Variants in DHX57 observed in about 807,000 individuals in gnomAD.
The protein encoded by DHX57 is putative ATP-dependent RNA helicase DHX57.
A neutral mutation model predicts 156.2 loss-of-function variants in DHX57; 105 were observed. The observed-to-expected ratio is 0.67, with a 90% CI of 0.57 to 0.79. The LOEUF (loss-of-function observed/expected upper bound fraction) is 0.79. Ranked by LOEUF, DHX57 falls within the 30% of genes least tolerant of loss-of-function variation. The pLI is 0.00. For synonymous variants in DHX57, 704 were observed against 595.6 expected (o/e 1.18, Z -2.65); for missense variants, 1,847 against 1,661.9 (o/e 1.11, Z -1.94).
At chr2:38,834,936 G>A (rs1310491558) in intron 13 of DHX57, among the ~76,000 whole-genome samples, 1 of 152,168 alleles carries the variant, frequency 6.6e-6, no homozygotes, top group Non-Finnish European at 1.5e-5. Context: ...TTGCTATAAG[G>A]CATACCTGTA....
Position 38,798,341 on chromosome 2 carries a change from G to A in DHX57, c.4119C>T (p.Ser1373=), listed in dbSNP as rs376019450. ...SIDLCTCPRG[S]RIISTIVKLV... ...GTTTCACAATTGTGCTGATGATCCGGGATCCTCGAGGACACGTACACAGAT... is the reference window on the plus strand; with the variant it reads ...GTTTCACAATTGTGCTGATGATCCGAGATCCTCGAGGACACGTACACAGAT... Residue 1373 remains serine, a synonymous_variant, in exon 24 of 24, where the codon TCC becomes TCT. Coordinates refer to ENST00000457308, the MANE Select transcript of DHX57 (RefSeq NM_198963.3). The A allele has an allele frequency of 6.2e-7, 1 of 1,613,736 alleles. No individual in the cohort carries two copies. Among genetic ancestry groups the A allele is most frequent in the African/African-American group, 1.3e-5 (1 of 74,898 alleles).
rs1055947583 is a variant in DHX57 at position 38,798,109 on chromosome 2, G to C, written c.*190C>G. On this transcript the variant is annotated 3_prime_UTR_variant, in exon 24 of 24. Transcript: ENST00000457308. ...CCCTTGACACTCCAAATTGTGCTGGGAGTGGCCAAGGCTTTGTTAGAAATG... is the reference window on the plus strand; with the variant it reads ...CCCTTGACACTCCAAATTGTGCTGGCAGTGGCCAAGGCTTTGTTAGAAATG... 12 of 568,466 alleles carry C rather than the reference G, an allele frequency of 2.1e-5. No individual in the cohort carries two copies. The highest frequency in any genetic ancestry group is 9.6e-5 in the East Asian group (3 of 31,258). The allele number at this position is 568,466 out of a possible 1,614,324, so 35.2% of individuals were successfully genotyped here. A position where few individuals can be genotyped will look rare whatever the true frequency, so the allele number is the denominator to read the frequency against.
chr2:38,869,071 G>C (rs1235975347), intron 1 of DHX57, among the ~76,000 whole-genome samples: 2 of 152,202 alleles, frequency 1.3e-5, no homozygotes, highest in Non-Finnish European at 2.9e-5. Flanking sequence ...CAAAGTGCTT[G>C]GATTACAGGT....
rs371034297 is a variant in DHX57, at chr2:38,818,370, C to CA, written c.3471+506dup. On this transcript the variant is annotated intron_variant, in intron 19 of 23. Coordinates refer to ENST00000457308, the MANE Select transcript of DHX57 (RefSeq NM_198963.3). ...TGAAACCCCATCTCTACTAAAAATA[C>CA]AAAAAAATTAGCTGAGCATGGTGGC... 7.5e-3 allele frequency among the ~76,000 whole-genome samples: 1,139 copies of CA among 151,950 alleles called. 2 individuals are homozygous for CA. The highest frequency in any genetic ancestry group is 0.041 in the Middle Eastern group (12 of 294).
Position 38,843,125 on chromosome 2 carries a change from C to T in DHX57, c.2305G>A (p.Ala769Thr). Residue 769 changes from alanine to threonine, a missense_variant, in exon 12 of 24, where the codon GCA (alanine) becomes ACA (threonine). Transcript: ENST00000457308. ...EKLKARRNRT[A>T]FEEVEEDLRL... ...AGGTCTTCTTCCACTTCTTCAAATG[C>T]AGTTCTGTTCCGCCTTGCTTTAAGC... is the stretch of plus-strand genomic sequence containing the variant. 1.2e-6 allele frequency: 2 copies of T among 1,614,196 alleles called. No individual in the cohort carries two copies. The highest frequency in any genetic ancestry group is 8.5e-7 in the Non-Finnish European group (1 of 1,180,028).
chr2:38,802,177 C>G (rs1389276693), intron 23 of DHX57, among the ~76,000 whole-genome samples: 1 of 152,124 alleles, frequency 6.6e-6, no homozygotes, highest in Non-Finnish European at 1.5e-5. Flanking sequence ...AACCTCAGCC[C>G]GTACCAGACT....
chr2:38,811,238 C>T, intron 21 of DHX57: 2 of 498,778 alleles, frequency 4.0e-6, no homozygotes, highest in South Asian at 3.4e-5. Context: ...CTCAGGGATC[C>T]TCCCGGGAGC....
intron 13 of DHX57, among the ~76,000 whole-genome samples, chr2:38,832,037 A>C (rs1671409964): frequency 1.3e-5 from 2 of 152,082 alleles, no homozygotes; most frequent in Non-Finnish European, 2.9e-5. Context: ...CGAAAAAGAA[A>C]CAAGATATAC....
chr2:38,861,733 A>G lies in DHX57; in HGVS notation c.677T>C (p.Phe226Ser). ...HLLTQCFSET[F>S]GERMKISEAV... The stretch of plus-strand genomic sequence containing the variant: ...CTCAGAGATCTTCATCCTCTCTCCA[A>G]ATGTCTCTGAAAAACACTGGGTAAG... Residue 226 changes from phenylalanine to serine, a missense_variant, in exon 5 of 24, where the codon TTT (phenylalanine) becomes TCT (serine). By Grantham distance (155) the Phe-to-Ser change is radical. Transcript: ENST00000457308. 2 of 1,614,100 alleles carry G rather than the reference A, an allele frequency of 1.2e-6. No individual in the cohort carries two copies. The highest frequency in any genetic ancestry group is 2.2e-5 in the East Asian group (1 of 44,862).
At chr2:38,859,485 A>G (rs1673073329) in intron 5 of DHX57, among the ~76,000 whole-genome samples, 1 of 152,218 alleles carries the variant, frequency 6.6e-6, no homozygotes, top group Non-Finnish European at 1.5e-5. Context: ...AATTCTATAA[A>G]AATACTAAAA....
intron 13 of DHX57, among the ~76,000 whole-genome samples, chr2:38,832,028 G>A (rs3099989): frequency 0.36 from 54,187 of 151,722 alleles, 9,858 homozygotes; most frequent in Admixed American, 0.38. Context: ...ACACACACAC[G>A]AAAAAGAAAC....
chr2:38,807,959 T>G lies in DHX57; in HGVS notation c.3682-1266A>C, dbSNP rs1320003600. On this transcript the variant is annotated intron_variant, in intron 21 of 23. Transcript: ENST00000457308. ...CTGTGTCTTGCCTTTTTTTTTTTTT[T>G]TTTTTTTTTTTTTTGAGATGGAGTC... is the stretch of plus-strand genomic sequence containing the variant. Among the ~76,000 whole-genome samples, 508 of 130,604 alleles carry G rather than the reference T, an allele frequency of 3.9e-3. 4 individuals carry two copies. The highest frequency in any genetic ancestry group is 0.014 in the African/African-American group (482 of 34,782). The allele number at this position is 130,604 out of a possible 152,430, so 85.7% of individuals were successfully genotyped here.
intron 2 of DHX57, among the ~76,000 whole-genome samples, chr2:38,864,309 C>T (rs1042855227): frequency 6.7e-5 from 10 of 149,636 alleles, no homozygotes; most frequent in African/African-American, 2.0e-4. Flanking sequence ...CTTTAAGAGG[C>T]TGAAGTGGTA....
chr2:38,843,565 G>C (rs1269123370), intron 11 of DHX57, among the ~76,000 whole-genome samples: 1 of 152,094 alleles, frequency 6.6e-6, no homozygotes, highest in East Asian at 1.9e-4. Flanking sequence ...ATAATTCCCA[G>C]GCAGCTGATT....
intron 13 of DHX57, among the ~76,000 whole-genome samples, chr2:38,828,654 C>T (rs1038694413): frequency 2.0e-5 from 3 of 151,044 alleles, no homozygotes; most frequent in African/African-American, 4.9e-5. Context: ...GCCAGGGAGG[C>T]GGAGTTTGCG....
At chr2:38,830,196 T>A (rs1671308368) in intron 13 of DHX57, among the ~76,000 whole-genome samples, 1 of 152,212 alleles carries the variant, frequency 6.6e-6, no homozygotes, top group African/African-American at 2.4e-5. Context: ...ACTAAATAAA[T>A]GAGGAATCTG....
At chr2:38,825,729 AT>A in intron 16 of DHX57, 117 bp downstream of exon 16, 1 of 983,838 alleles carries the variant, frequency 1.0e-6, no homozygotes, top group Admixed American at 2.2e-5. Flanking sequence ...AATAAATGAG[AT>A]TATTGGTGGT....
At chr2:38,807,241 CAT>C (rs1438969147) in intron 21 of DHX57, among the ~76,000 whole-genome samples, 5 of 151,806 alleles carry the variant, frequency 3.3e-5, no homozygotes, top group African/African-American at 7.3e-5. Flanking sequence ...TTTTAGTAGA[CAT>C]GTGGTTTCAC....
chr2:38,832,758 G>A (rs903851425), intron 13 of DHX57, among the ~76,000 whole-genome samples: 7 of 151,616 alleles, frequency 4.6e-5, no homozygotes, highest in African/African-American at 1.7e-4. Context: ...GGCTGGTCTC[G>A]AACTCCTGAC....
Sources: gnomAD v4.1 joint callset for allele counts (sites outside exome capture counted in the v4.1 genomes callset) on GRCh38, gnomAD v4.1.1 for gene constraint, MANE v1.5 for transcripts, NCBI Gene and HGNC (gene_info 2026-07-23, HGNC 2026-07-21) for gene names.